The following SDC2 variants were observed in gnomAD, a reference collection of about 807,000 sequenced individuals.
SDC2 encodes the protein syndecan-2.
A neutral mutation model predicts 22.2 loss-of-function variants in SDC2; 13 were observed. That is an observed-to-expected ratio of 0.59 (90% confidence interval 0.38 to 0.93). SDC2 has a LOEUF of 0.93. Ranked by LOEUF, SDC2 falls within the 40% of genes least tolerant of loss-of-function variation. The pLI is 0.00. For missense variants in SDC2, 235 were observed against 246.8 expected, an observed-to-expected ratio of 0.95 and a Z score of 0.32; for synonymous variants, 94 against 92.8, an observed-to-expected ratio of 1.01 and a Z score of -0.07.
intron 1 of SDC2, among the ~76,000 whole-genome samples, chr8:96,584,329 T>TATAG (rs1814645449): frequency 6.6e-6 from 1 of 152,238 alleles, no homozygotes; most frequent in Non-Finnish European, 1.5e-5. Flanking sequence ...AAGCTTTCTG[T>TATAG]GGCATTCTGT....
chr8:96,540,117 G>A (rs2130509187), intron 1 of SDC2, among the ~76,000 whole-genome samples: 1 of 151,892 alleles, frequency 6.6e-6, no homozygotes, highest in African/African-American at 2.4e-5. Context: ...CTATGATTAT[G>A]CCTTTCTGAT....
At chr8:96,604,580 C>T (rs571071234) in intron 3 of SDC2, among the ~76,000 whole-genome samples, 1 of 152,204 alleles carries the variant, frequency 6.6e-6, no homozygotes, top group East Asian at 1.9e-4. Flanking sequence ...CTCTAGGATA[C>T]CATTAGTGTA....
At chr8:96,514,382 A>C (rs534006215) in intron 1 of SDC2, among the ~76,000 whole-genome samples, 4 of 152,224 alleles carry the variant, frequency 2.6e-5, no homozygotes, top group South Asian at 4.1e-4. Context: ...CACTGTCCCA[A>C]CCTGCCAGGG....
chr8:96,588,038 T>C (rs1390154334), intron 1 of SDC2, among the ~76,000 whole-genome samples: 5 of 152,294 alleles, frequency 3.3e-5, no homozygotes, highest in Admixed American at 2.0e-4. Context: ...GCCTGGCACG[T>C]AATAAACACC....
intron 1 of SDC2, among the ~76,000 whole-genome samples, chr8:96,540,355 T>A (rs1320446701): frequency 1.4e-5 from 2 of 147,154 alleles, no homozygotes; most frequent in African/African-American, 5.0e-5. Flanking sequence ...TATATATATA[T>A]AAAAATTAGT....
At chr8:96,537,442 A>G (rs776534589) in intron 1 of SDC2, 4 of 149,124 alleles carry the variant, frequency 2.7e-5, no homozygotes, top group Non-Finnish European at 5.9e-5. Context: ...AAGAGGAGTC[A>G]TAAAGTTCTC....
chr8:96,586,968 G>A (rs1460733213), intron 1 of SDC2, among the ~76,000 whole-genome samples: 1 of 152,094 alleles, frequency 6.6e-6, no homozygotes, highest in African/African-American at 2.4e-5. Context: ...TGTCACCTAG[G>A]CTGGAGTGCT....
chr8:96,508,101 C>T (rs1447144896), intron 1 of SDC2, among the ~76,000 whole-genome samples: 2 of 152,144 alleles, frequency 1.3e-5, no homozygotes, highest in African/African-American at 4.8e-5. Context: ...TCAAGACCAT[C>T]TTGGCTAACA....
chr8:96,545,424 G>A (rs1813915562), intron 1 of SDC2, among the ~76,000 whole-genome samples: 1 of 152,134 alleles, frequency 6.6e-6, no homozygotes, highest in African/African-American at 2.4e-5. Flanking sequence ...AATTCACCTC[G>A]AGAAACACCA....
At chr8:96,504,602 G>T (rs1813211022) in intron 1 of SDC2, among the ~76,000 whole-genome samples, 1 of 152,140 alleles carries the variant, frequency 6.6e-6, no homozygotes, top group South Asian at 2.1e-4. Flanking sequence ...CACAAAGCTT[G>T]ACCCATAGTA....
chr8:96,594,886 A>G (rs564831375), intron 2 of SDC2, among the ~76,000 whole-genome samples: 1 of 152,168 alleles, frequency 6.6e-6, no homozygotes, highest in Non-Finnish European at 1.5e-5. Context: ...AAACCATCAG[A>G]TCTCATGAGA....
chr8:96,495,532 T>G (rs899382039), intron 1 of SDC2, among the ~76,000 whole-genome samples: 2 of 152,202 alleles, frequency 1.3e-5, no homozygotes, highest in Non-Finnish European at 2.9e-5. Context: ...GTGCGGCTGT[T>G]TCTGGCCCTT....
rs201612267 is a variant in SDC2 at position 96,547,735 on chromosome 8, AT to A, written c.61-45732del. On this transcript the variant is annotated intron_variant, in intron 1 of 4. Transcript: ENST00000302190. ...TTGACTTGGTATGGATCCTTGTTTG[AT>A]TTTTTTTTTTTTAAATTTTTATGTA... Among the ~76,000 whole-genome samples the A allele has an allele frequency of 9.5e-3, 1,384 of 145,254 alleles. 25 individuals are homozygous for A. Among genetic ancestry groups the A allele is most frequent in the African/African-American group, 0.034 (1,309 of 38,908 alleles).
intron 1 of SDC2, among the ~76,000 whole-genome samples, chr8:96,527,705 TG>T (rs1377055642): frequency 6.6e-6 from 1 of 152,166 alleles, no homozygotes; most frequent in Non-Finnish European, 1.5e-5. Flanking sequence ...ATATTTGGGA[TG>T]GATCTGTAGG....
chr8:96,561,968 T>G (rs1814217023), intron 1 of SDC2, among the ~76,000 whole-genome samples: 1 of 152,220 alleles, frequency 6.6e-6, no homozygotes, highest in Non-Finnish European at 1.5e-5. Flanking sequence ...CTCTTGACAG[T>G]GTCTTTCCCA....
At chr8:96,582,325 T>C (rs1439355497) in intron 1 of SDC2, among the ~76,000 whole-genome samples, 1 of 151,364 alleles carries the variant, frequency 6.6e-6, no homozygotes, top group Non-Finnish European at 1.5e-5. Context: ...ATCAGGAATA[T>C]GAATAATCTC....
intron 1 of SDC2, among the ~76,000 whole-genome samples, chr8:96,563,101 G>A (rs1277921152): frequency 6.6e-6 from 1 of 152,122 alleles, no homozygotes; most frequent in East Asian, 1.9e-4. Context: ...CCGTATCTCA[G>A]ACACCTCAGC....
At chr8:96,553,661 C>T (rs1338765102) in intron 1 of SDC2, among the ~76,000 whole-genome samples, 2 of 152,100 alleles carry the variant, frequency 1.3e-5, no homozygotes, top group Non-Finnish European at 2.9e-5. Flanking sequence ...AACCATTTAT[C>T]AACCTTAAAG....
At position 96,498,470 on chromosome 8, in the gene SDC2, C is replaced by CT. The variant is rs11325616; in HGVS notation, c.60+4151dup. 5.9e-3 allele frequency among the ~76,000 whole-genome samples: 875 copies of CT among 147,422 alleles called. 6 individuals carry two copies. The highest frequency in any genetic ancestry group is 0.02 in the African/African-American group (794 of 40,174). On this transcript the variant is annotated intron_variant, in intron 1 of 4. Transcript: ENST00000302190. ...TGTGGTCCCTTCCTGCAGCGCTAATCTTTTTTTTTTTTCCTCTTGAGATGG... is the reference window on the plus strand; with the variant it reads ...TGTGGTCCCTTCCTGCAGCGCTAATCTTTTTTTTTTTTTCCTCTTGAGATGG...
Sources: gnomAD v4.1 joint callset for allele counts (sites outside exome capture counted in the v4.1 genomes callset) on GRCh38, gnomAD v4.1.1 for gene constraint, MANE v1.5 for transcripts, NCBI Gene and HGNC (gene_info 2026-07-23, HGNC 2026-07-21) for gene names.